Variants in KIF26B observed in about 807,000 individuals in gnomAD.
The protein encoded by KIF26B is kinesin-like protein KIF26B.
KIF26B carries 63 observed loss-of-function variants against 151.2 expected under a neutral mutation model. The observed-to-expected ratio is 0.42, with a 90% CI of 0.34 to 0.51. The LOEUF (loss-of-function observed/expected upper bound fraction) is 0.51. Among genes scored for constraint, KIF26B ranks in the 20% least tolerant of loss-of-function variants. The probability of loss-of-function intolerance (pLI) is 0.07; values close to 1 mark genes in which losing one functional copy is unlikely to be tolerated. For missense variants in KIF26B, 2,813 were observed against 2,913.6 expected (o/e 0.97, Z 0.79); for synonymous variants, 1,357 against 1,262.1 (o/e 1.08, Z -1.59).
chr1:245,685,585 A>G lies in KIF26B; in HGVS notation c.2602A>G (p.Ile868Val), dbSNP rs895622428. ...SEQSCDTVIY[I>V]GPNGTALSDK... is the part of the protein sequence containing the mutation. ...GCAGTCCTGCGACACCGTCATCTAC[A>G]TCGGGCCCAACGGCACGGCCCTCTC... Residue 868 changes from isoleucine to valine, a missense_variant, in exon 12 of 15, where the codon ATC becomes GTC. Ile to Val is a conservative substitution (Grantham distance 29). Transcript: ENST00000407071. 4 of 1,613,858 alleles carry G rather than the reference A, an allele frequency of 2.5e-6. No homozygotes were observed. Among genetic ancestry groups the G allele is most frequent in the Non-Finnish European group, 2.5e-6 (3 of 1,179,906 alleles).
intron 14 of KIF26B, among the ~76,000 whole-genome samples, chr1:245,700,319 C>T (rs1237722735): frequency 3.9e-5 from 6 of 152,130 alleles, no homozygotes; most frequent in Non-Finnish European, 8.8e-5. Context: ...CCTCTTGGTG[C>T]TTACTACACT....
intron 4 of KIF26B, among the ~76,000 whole-genome samples, chr1:245,517,143 G>C (rs745774356): frequency 3.9e-5 from 6 of 152,232 alleles, no homozygotes; most frequent in Non-Finnish European, 8.8e-5. Context: ...GATCACTTGA[G>C]GTCAGGAGTT....
chr1:245,192,499 A>G (rs370632068), intron 2 of KIF26B, among the ~76,000 whole-genome samples: 47 of 152,364 alleles, frequency 3.1e-4, no homozygotes, highest in East Asian at 1.9e-3. Context: ...TGATTCTCAT[A>G]TATCTGTCTT....
At chr1:245,300,436 T>C (rs1351344257) in intron 2 of KIF26B, among the ~76,000 whole-genome samples, 1 of 152,172 alleles carries the variant, frequency 6.6e-6, no homozygotes, top group Non-Finnish European at 1.5e-5. Flanking sequence ...CTCTCCTTTT[T>C]AAAAAGGGTT....
chr1:245,163,875 CT>C (rs754390197), intron 2 of KIF26B, among the ~76,000 whole-genome samples: 2 of 152,112 alleles, frequency 1.3e-5, no homozygotes, highest in Non-Finnish European at 2.9e-5. Context: ...ACTATATTCA[CT>C]GATTTTTAAA....
chr1:245,633,133 A>C (rs2043799211), intron 9 of KIF26B, among the ~76,000 whole-genome samples: 1 of 151,890 alleles, frequency 6.6e-6, no homozygotes, highest in South Asian at 2.1e-4. Context: ...TTTGGCTAAC[A>C]TTGTATTTTG....
At chr1:245,620,336 T>C (rs112148932) in intron 9 of KIF26B, among the ~76,000 whole-genome samples, 1,810 of 152,292 alleles carry the variant, frequency 0.012, 30 homozygotes, top group African/African-American at 0.041. Flanking sequence ...TATAGACTTT[T>C]TCTAGATTCT....
At chr1:245,172,055 C>A (rs1406467692) in intron 2 of KIF26B, among the ~76,000 whole-genome samples, 1 of 139,322 alleles carries the variant, frequency 7.2e-6, no homozygotes, top group South Asian at 2.5e-4. Context: ...TCAGTTCATT[C>A]ATTTTTCATT....
At chr1:245,561,266 G>A (rs762643230) in intron 5 of KIF26B, among the ~76,000 whole-genome samples, 1 of 152,192 alleles carries the variant, frequency 6.6e-6, no homozygotes, top group Non-Finnish European at 1.5e-5. Flanking sequence ...GGGTGGGTGA[G>A]ACAAGTTGGA....
chr1:245,302,920 C>T (rs1367011369), intron 2 of KIF26B, among the ~76,000 whole-genome samples: 6 of 119,344 alleles, frequency 5.0e-5, no homozygotes, highest in Non-Finnish European at 1.6e-5. Context: ...ACCTTGGGGG[C>T]GGAGGTTGCA....
rs150555311 is a variant in KIF26B at position 245,512,876 on chromosome 1, G to A, written c.1167-27891G>A. Among the ~76,000 whole-genome samples, 192 of 152,172 alleles carry A rather than the reference G, an allele frequency of 1.3e-3. 4 individuals carry two copies. The East Asian group carries it at 0.027, about 21-fold the overall frequency. Reference sequence around the variant, plus strand: ...GAAAACCTAGAGCAAAAATCATGCCGGGGAAAGGAAAATCATTAAAAAACA... The same window carrying A: ...GAAAACCTAGAGCAAAAATCATGCCAGGGAAAGGAAAATCATTAAAAAACA... On this transcript the variant is annotated intron_variant, in intron 4 of 14. Transcript: ENST00000407071. This position sits in a 1 kb window ranked among gnomAD's most constrained non-coding sequence, Gnocchi z 4.3.
At chr1:245,457,183 T>C (rs191363488) in intron 4 of KIF26B, among the ~76,000 whole-genome samples, 208 of 152,306 alleles carry the variant, frequency 1.4e-3, no homozygotes, top group African/African-American at 4.4e-3. Flanking sequence ...GCTTTTTTAA[T>C]GAGAGAATGA....
At chr1:245,380,683 G>T (rs1030160802) in intron 3 of KIF26B, among the ~76,000 whole-genome samples, 1 of 152,002 alleles carries the variant, frequency 6.6e-6, no homozygotes, top group Non-Finnish European at 1.5e-5. Flanking sequence ...ATTTACCCCT[G>T]CCCCTGCCCC....
chr1:245,391,680 G>T (rs918384857), intron 3 of KIF26B, among the ~76,000 whole-genome samples: 6 of 150,590 alleles, frequency 4.0e-5, no homozygotes, highest in Non-Finnish European at 8.9e-5. Flanking sequence ...AAAAGAGAGA[G>T]ATTTGTGAAA....
chr1:245,243,449 C>T (rs12403416), intron 2 of KIF26B, among the ~76,000 whole-genome samples: 7 of 139,358 alleles, frequency 5.0e-5, no homozygotes, highest in African/African-American at 1.9e-4. Flanking sequence ...TATATATATA[C>T]ACACACACAC....
At chr1:245,248,644 G>C (rs1033459947) in intron 2 of KIF26B, among the ~76,000 whole-genome samples, 3 of 152,182 alleles carry the variant, frequency 2.0e-5, no homozygotes, top group African/African-American at 4.8e-5. Flanking sequence ...ATAACACTTT[G>C]TCGCTTTTAT....
chr1:245,364,498 C>T (rs1395419847), intron 2 of KIF26B, among the ~76,000 whole-genome samples: 1 of 139,918 alleles, frequency 7.1e-6, no homozygotes, highest in Non-Finnish European at 1.5e-5. Flanking sequence ...GTGATCTTGG[C>T]TCACCTCTGC....
intron 5 of KIF26B, among the ~76,000 whole-genome samples, chr1:245,568,357 T>C (rs1350784039): frequency 6.6e-6 from 1 of 151,076 alleles, no homozygotes; most frequent in Admixed American, 6.6e-5. Flanking sequence ...AAAAAATGTT[T>C]TTTAAAAATT....
intron 4 of KIF26B, among the ~76,000 whole-genome samples, chr1:245,470,721 C>T (rs183089936): frequency 1.4e-3 from 219 of 152,292 alleles, no homozygotes; most frequent in African/African-American, 4.9e-3. Context: ...TGAGCCACCA[C>T]GCCCGGCCAC....
Sources: allele counts gnomAD v4.1 joint callset (sites outside exome capture counted in the v4.1 genomes callset), GRCh38; gene constraint gnomAD v4.1.1; non-coding constraint Gnocchi (gnomAD v3.1); transcripts MANE v1.5; gene names NCBI Gene and HGNC (gene_info 2026-07-23, HGNC 2026-07-21).